The following MAML3 variants were observed in gnomAD, a reference collection of about 807,000 sequenced individuals.
The protein encoded by MAML3 is mastermind like transcriptional coactivator 3.
MAML3 carries 27 observed loss-of-function variants against 101.9 expected under a neutral mutation model. That is an observed-to-expected ratio of 0.27 (90% CI 0.20 to 0.37). MAML3 has a LOEUF of 0.37. Ranked by LOEUF, MAML3 falls within the 10% of genes least tolerant of loss-of-function variation. MAML3 has a pLI of 1.00. For synonymous variants in MAML3, 501 were observed against 555.9 expected (o/e 0.90, Z 1.39); for missense variants, 1,316 against 1,444.9 (o/e 0.91, Z 1.45).
chr4:139,885,768 A>C (rs1578646829), intron 2 of MAML3, among the ~76,000 whole-genome samples: 1 of 14,352 alleles, frequency 7.0e-5, no homozygotes, highest in African/African-American at 1.3e-4. Context: ...CTAAACATAC[A>C]AAAAAAAAAA....
intron 1 of MAML3, among the ~76,000 whole-genome samples, chr4:139,911,199 T>G (rs1732913400): frequency 6.6e-6 from 1 of 151,886 alleles, no homozygotes; most frequent in African/African-American, 2.4e-5. Context: ...AAGTTTTGCC[T>G]GCATTGCAGC....
intron 2 of MAML3, among the ~76,000 whole-genome samples, chr4:139,835,571 A>G (rs1250745502): frequency 1.3e-5 from 2 of 152,172 alleles, no homozygotes; most frequent in Non-Finnish European, 2.9e-5. Context: ...GACTGGAAAA[A>G]TAGTTTTAAG....
In MAML3 at chr4:140,153,600, CACA is replaced by C; in HGVS notation, c.-276_-274del. ...TCAGACACCTATCAACAAAAAGAAT[CACA>C]ACAAACTGAGCCAGCAGCAAATCGG... On this transcript the variant is annotated 5_prime_UTR_variant, in exon 1 of 5. Coordinates refer to ENST00000509479, the MANE Select transcript of MAML3 (RefSeq NM_018717.5). 1 of 408,256 alleles carries C rather than the reference CACA, an allele frequency of 2.4e-6. No individual in the cohort carries two copies. The highest frequency in any genetic ancestry group is 4.3e-6 in the Non-Finnish European group (1 of 231,872). The allele number at this position is 408,256 out of a possible 1,614,324, so 25.3% of individuals were successfully genotyped here. A position where few individuals can be genotyped will look rare whatever the true frequency, so the allele number is the denominator to read the frequency against.
At chr4:140,118,574 G>A (rs1728552393) in intron 1 of MAML3, among the ~76,000 whole-genome samples, 1 of 152,152 alleles carries the variant, frequency 6.6e-6, no homozygotes, top group African/African-American at 2.4e-5. Flanking sequence ...GCCTGGTGTG[G>A]TGGCTCACAC....
intron 2 of MAML3, among the ~76,000 whole-genome samples, chr4:139,737,594 A>T (rs1217333170): frequency 6.6e-6 from 1 of 152,170 alleles, no homozygotes; most frequent in African/African-American, 2.4e-5. Flanking sequence ...CAAAATTGGG[A>T]TGCCTCTGTG....
At chr4:139,791,595 A>C (rs1221996398) in intron 2 of MAML3, among the ~76,000 whole-genome samples, 1 of 152,162 alleles carries the variant, frequency 6.6e-6, no homozygotes, top group African/African-American at 2.4e-5. Context: ...TATAATATAA[A>C]GAAGTTTCAT....
At chr4:140,073,919 G>A (rs1241822754) in intron 1 of MAML3, among the ~76,000 whole-genome samples, 1 of 151,756 alleles carries the variant, frequency 6.6e-6, no homozygotes, top group Non-Finnish European at 1.5e-5. Context: ...AGATCACGAG[G>A]TCAAGAGATC....
In MAML3 at chr4:139,889,389, T is replaced by A; in HGVS notation, c.2047A>T (p.Met683Leu). Residue 683 changes from methionine (M) to leucine (L), a missense_variant, in exon 2 of 5, where the codon ATG (methionine) becomes TTG (leucine). Transcript: ENST00000509479. ...TGGGATGGAAGTGCAGCGTAAGCCA[T>A]GGGCTGATTCATCACTCCTTTCTGC... is the stretch of plus-strand genomic sequence containing the variant. Reference protein sequence around the residue: ...MKQKGVMNQPMAYAALPSHGQ... With the variant: ...MKQKGVMNQPLAYAALPSHGQ... 1 of 1,614,058 alleles carries A rather than the reference T, an allele frequency of 6.2e-7. No individual in the cohort carries two copies. Among genetic ancestry groups the A allele is most frequent in the Non-Finnish European group, 8.5e-7 (1 of 1,179,894 alleles).
intron 1 of MAML3, among the ~76,000 whole-genome samples, chr4:139,948,293 A>T (rs1733769274): frequency 6.6e-6 from 1 of 152,190 alleles, no homozygotes; most frequent in Non-Finnish European, 1.5e-5. Context: ...ACTTCATTTC[A>T]CTGTTAAGAA....
At chr4:139,787,154 C>T (rs971173172) in intron 2 of MAML3, among the ~76,000 whole-genome samples, 14 of 152,230 alleles carry the variant, frequency 9.2e-5, no homozygotes, top group South Asian at 2.1e-4. Flanking sequence ...TCTGCAGCAG[C>T]GCTCCGTCCT....
intron 2 of MAML3, among the ~76,000 whole-genome samples, chr4:139,747,945 T>G (rs1333660203): frequency 6.7e-6 from 1 of 149,614 alleles, no homozygotes; most frequent in Non-Finnish European, 1.5e-5. Flanking sequence ...TCCCAGCTAC[T>G]TGGGAGGCTG....
intron 1 of MAML3, among the ~76,000 whole-genome samples, chr4:140,036,460 C>A (rs1726988587): frequency 6.6e-6 from 1 of 152,210 alleles, no homozygotes; most frequent in Admixed American, 6.5e-5. Context: ...AACAGCCATG[C>A]CACTGCTGTG....
chr4:140,111,421 A>G (rs1728437858), intron 1 of MAML3, among the ~76,000 whole-genome samples: 1 of 152,244 alleles, frequency 6.6e-6, no homozygotes, highest in Non-Finnish European at 1.5e-5. Context: ...GTGCAAACAC[A>G]TGGATGTTCA....
intron 1 of MAML3, among the ~76,000 whole-genome samples, chr4:140,004,700 C>T (rs1275382394): frequency 6.6e-6 from 1 of 152,062 alleles, no homozygotes; most frequent in East Asian, 1.9e-4. Flanking sequence ...AAAAACGCAG[C>T]GCTCACGGGG....
intron 1 of MAML3, among the ~76,000 whole-genome samples, chr4:140,146,960 C>A (rs2111061810): frequency 6.6e-6 from 1 of 151,902 alleles, no homozygotes; most frequent in Non-Finnish European, 1.5e-5. Context: ...ATGGTGAAAC[C>A]TGTCTCTACT....
intron 2 of MAML3, among the ~76,000 whole-genome samples, chr4:139,773,193 G>A (rs1320360934): frequency 1.3e-5 from 2 of 151,968 alleles, no homozygotes; most frequent in Admixed American, 6.6e-5. Flanking sequence ...GCTCTGAAAC[G>A]TATTGGCTCA....
intron 2 of MAML3, among the ~76,000 whole-genome samples, chr4:139,826,893 T>C (rs1474311162): frequency 6.6e-6 from 1 of 151,360 alleles, no homozygotes; most frequent in Non-Finnish European, 1.5e-5. Context: ...GCCACTCTCA[T>C]ACAAGATAGG....
At chr4:139,853,530 A>G (rs17289010) in intron 2 of MAML3, among the ~76,000 whole-genome samples, 40,789 of 151,992 alleles carry the variant, frequency 0.27, 6,964 homozygotes, top group East Asian at 0.7. Context: ...AGGCTGGGTG[A>G]TAAGAACACA....
intron 2 of MAML3, among the ~76,000 whole-genome samples, chr4:139,843,764 A>G (rs1731399577): frequency 3.9e-5 from 6 of 152,126 alleles, no homozygotes; most frequent in Admixed American, 3.9e-4. Context: ...GCTTGGTCTG[A>G]TCACGTCCTA....
Sources: allele counts gnomAD v4.1 joint callset (sites outside exome capture counted in the v4.1 genomes callset), GRCh38; gene constraint gnomAD v4.1.1; transcripts MANE v1.5; gene names NCBI Gene and HGNC (gene_info 2026-07-23, HGNC 2026-07-21).